Variants in FKBP6 observed in about 807,000 individuals in gnomAD.
The protein encoded by FKBP6 is FKBP prolyl isomerase family member 6 (inactive), also known as inactive peptidyl-prolyl cis-trans isomerase FKBP6.
In FKBP6, 29 loss-of-function variants were observed where a neutral mutation model predicts 41.7. The observed-to-expected ratio is 0.70, with a 90% CI of 0.52 to 0.95. The LOEUF (loss-of-function observed/expected upper bound fraction) is 0.95, where lower values mean the gene tolerates loss of function less well. Ranked by LOEUF, FKBP6 falls within the 40% of genes least tolerant of loss-of-function variation. The pLI is 0.00. For synonymous variants in FKBP6, 130 were observed against 165.1 expected (o/e 0.79, Z 1.63); for missense variants, 338 against 408.7 (o/e 0.83, Z 1.49).
intron 6 of FKBP6, 29 bp from the exon 7 acceptor site, chr7:73,341,244 G>A: frequency 1.4e-6 from 2 of 1,447,422 alleles, no homozygotes; most frequent in Non-Finnish European, 1.9e-6. Context: ...TTTTCTAACT[G>A]TGCTTTTAAA....
At chr7:73,343,426 T>C (rs1805251326) in intron 8 of FKBP6, among the ~76,000 whole-genome samples, 1 of 152,188 alleles carries the variant, frequency 6.6e-6, no homozygotes, top group Non-Finnish European at 1.5e-5. Context: ...TGATGGTTGA[T>C]AGAGCTGGGC....
At chr7:73,348,381 A>G (rs1805394882) in intron 8 of FKBP6, among the ~76,000 whole-genome samples, 1 of 152,224 alleles carries the variant, frequency 6.6e-6, no homozygotes, top group African/African-American at 2.4e-5. Flanking sequence ...GGCTTTAACA[A>G]TTACCAAGGT....
chr7:73,328,793 C>G, intron 2 of FKBP6, 101 bp downstream of exon 2: 1 of 1,600,524 alleles, frequency 6.2e-7, no homozygotes, highest in Non-Finnish European at 8.5e-7. Flanking sequence ...GTTGGAAATG[C>G]TTTGTTTGAA....
chr7:73,336,684 T>G (rs1355434736), intron 5 of FKBP6: 1 of 453,670 alleles, frequency 2.2e-6, no homozygotes, highest in African/African-American at 2.0e-5. Context: ...CTATTAAACA[T>G]GTACCAGCAC....
chr7:73,331,601 T>C lies in FKBP6; in HGVS notation c.469-56T>C, dbSNP rs902995518. 68 of 1,604,796 alleles carry C rather than the reference T, an allele frequency of 4.2e-5. No individual in the cohort carries two copies. In the East Asian group the frequency reaches 1.4e-3, roughly 34 times the overall value. On this transcript the variant is annotated intron_variant, in intron 4 of 8. Transcript: ENST00000252037. The stretch of plus-strand genomic sequence containing the variant: ...GGGCTCACGTGTACTAACACTTCCA[T>C]TGTGGCATTACTGCTTTTGGTTTCC...
intron 8 of FKBP6, among the ~76,000 whole-genome samples, chr7:73,356,980 C>T (rs799309): frequency 1.3e-5 from 2 of 152,124 alleles, no homozygotes; most frequent in Non-Finnish European, 2.9e-5. Flanking sequence ...GAGGTTTCAC[C>T]ATGTTGGCCA....
intron 5 of FKBP6, among the ~76,000 whole-genome samples, chr7:73,338,782 ATGTCTATTCGGAGTCTATGCATATC>A (rs1239964834): frequency 3.3e-5 from 5 of 152,170 alleles, no homozygotes; most frequent in African/African-American, 1.2e-4. Context: ...CTTTGGAAAA[ATGTCTATTCGGAGTCTATGCATATC>A]TGAAAGTTGG....
At chr7:73,331,888 G>C in intron 5 of FKBP6, 112 bp downstream of exon 5, 1 of 1,159,476 alleles carries the variant, frequency 8.6e-7, no homozygotes, top group Non-Finnish European at 1.3e-6. Flanking sequence ...TTTGAGACAA[G>C]AGTGTCGCTC....
chr7:73,335,542 A>C (rs1038944750), intron 5 of FKBP6, among the ~76,000 whole-genome samples: 1 of 152,158 alleles, frequency 6.6e-6, no homozygotes, highest in Non-Finnish European at 1.5e-5. Context: ...CCCCAAGTCA[A>C]GGGCCTCTTT....
At chr7:73,343,001 C>T (rs945281058) in intron 8 of FKBP6, 102 bp downstream of exon 8, 23 of 829,972 alleles carry the variant, frequency 2.8e-5, no homozygotes, top group Admixed American at 1.8e-4. Context: ...TGAGGGTGGA[C>T]GAGGGGTAGA....
chr7:73,330,076 G>C (rs1554547352), intron 3 of FKBP6, 74 bp from the exon 4 acceptor site: 1 of 1,105,670 alleles, frequency 9.0e-7, no homozygotes, highest in Non-Finnish European at 1.4e-6. Context: ...TGCTGACTTA[G>C]AGGGGGAAGA....
At chr7:73,357,419 C>G (rs1249613260) in intron 8 of FKBP6, among the ~76,000 whole-genome samples, 1 of 151,758 alleles carries the variant, frequency 6.6e-6, no homozygotes, top group Non-Finnish European at 1.5e-5. Context: ...GCCACCACGC[C>G]TGGCTAATTT....
rs1554546725 is a variant in FKBP6, at chr7:73,328,476, C to T, written c.48C>T (p.Ala16=). ...AGGGAGTCCTGGAAGGGGACGACGC[C>T]CCCGGCCAGGTGAGGGCCCAGACGT... ...LNQGVLEGDD[A]PGQSLYERLS... Residue 16 remains alanine (A), a synonymous_variant, in exon 1 of 9, where the codon GCC becomes GCT. Coordinates refer to ENST00000252037, the MANE Select transcript of FKBP6 (RefSeq NM_003602.5). 1 of 1,554,516 alleles carries T rather than the reference C, an allele frequency of 6.4e-7. No individual in the cohort carries two copies.
intron 8 of FKBP6, among the ~76,000 whole-genome samples, chr7:73,351,678 A>T (rs1554551139): frequency 6.6e-6 from 1 of 151,816 alleles, no homozygotes; most frequent in African/African-American, 2.4e-5. Context: ...CCCTCTCCAC[A>T]TCCTCTCTTG....
At chr7:73,349,760 C>T (rs1203230209) in intron 8 of FKBP6, among the ~76,000 whole-genome samples, 2 of 149,918 alleles carry the variant, frequency 1.3e-5, no homozygotes, top group African/African-American at 4.9e-5. Flanking sequence ...CATGGGGTGG[C>T]GCACAGGGCA....
At position 73,341,307 on chromosome 7, in the gene FKBP6, G is replaced by T; in HGVS notation, c.818G>T (p.Arg273Leu). The change falls in exon 7 of 9, where the codon CGG (arginine) becomes CTG (leucine). Residue 273 changes from arginine (R) to leucine (L), a missense_variant. By Grantham distance (102) the Arg-to-Leu change is moderately radical. Transcript: ENST00000252037. ...CLLLTEYQKA[R>L]DFLVRAQKEQ... is the part of the protein sequence containing the mutation. The stretch of plus-strand genomic sequence containing the variant: ...CTCCTGACTGAGTATCAAAAGGCCC[G>T]GGATTTTCTAGTTCGAGCCCAGAAG... 6.2e-7 allele frequency: 1 copy of T among 1,613,482 alleles called. No individual in the cohort carries two copies. Among genetic ancestry groups the T allele is most frequent in the Non-Finnish European group, 8.5e-7 (1 of 1,179,436 alleles).
intron 8 of FKBP6, among the ~76,000 whole-genome samples, chr7:73,349,439 C>A (rs191812553): frequency 2.7e-4 from 41 of 150,512 alleles, no homozygotes; most frequent in Non-Finnish European, 8.9e-5. Flanking sequence ...TGCAGTGGCT[C>A]ACGCCTGTAA....
intron 5 of FKBP6, among the ~76,000 whole-genome samples, chr7:73,334,814 G>A (rs1804952822): frequency 1.3e-5 from 2 of 152,104 alleles, no homozygotes; most frequent in Non-Finnish European, 2.9e-5. Context: ...ACCTAAAGAT[G>A]GTTTATTTCT....
Position 73,358,332 on chromosome 7 carries a change from G to GTTT in FKBP6, c.*156_*158dup, listed in dbSNP as rs1554552280. The GTTT allele has an allele frequency of 6.6e-6, 1 of 152,230 alleles. No individual in the cohort carries two copies. The highest frequency in any genetic ancestry group is 1.5e-5 in the Non-Finnish European group (1 of 68,040). 9.4% of individuals were successfully genotyped at this position (152,230 alleles called of 1,614,324 possible). On this transcript the variant is annotated 3_prime_UTR_variant, in exon 9 of 9. Coordinates refer to ENST00000252037, the MANE Select transcript of FKBP6 (RefSeq NM_003602.5). Reference sequence around the variant, plus strand: ...TCTCTCATGGACGCGGCTGAAACGTGTTTTCACAGGTGCTGTTTTCTGTTT... The same window carrying GTTT: ...TCTCTCATGGACGCGGCTGAAACGTGTTTTTTTCACAGGTGCTGTTTTCTGTTT...
Sources: allele counts gnomAD v4.1 joint callset (sites outside exome capture counted in the v4.1 genomes callset), GRCh38; gene constraint gnomAD v4.1.1; transcripts MANE v1.5; gene names NCBI Gene and HGNC (gene_info 2026-07-23, HGNC 2026-07-21).